BCAT1: variants seen among roughly 807,000 people sequenced by gnomAD.
The protein encoded by BCAT1 is branched-chain-amino-acid aminotransferase, cytosolic.
BCAT1 carries 48 observed loss-of-function variants against 52.4 expected under a neutral mutation model. That is an observed-to-expected ratio of 0.92 (90% CI 0.73 to 1.16). The LOEUF is 1.16. BCAT1 is among the 50% of genes most tolerant of loss of function. The pLI is 0.00. For missense variants in BCAT1, 451 were observed against 457.1 expected, an observed-to-expected ratio of 0.99 and a Z score of 0.12; for synonymous variants, 167 against 161.3, an observed-to-expected ratio of 1.04 and a Z score of -0.27.
At chr12:24,887,081 ATATATAT>A (rs1303793134) in intron 3 of BCAT1, among the ~76,000 whole-genome samples, 14 of 42,824 alleles carry the variant, frequency 3.3e-4, no homozygotes, top group South Asian at 7.8e-4. Context: ...AAAAAAAAAA[ATATATAT>A]ATATATATAT....
intron 2 of BCAT1, among the ~76,000 whole-genome samples, chr12:24,898,520 C>CCTTTTTTTTTT (rs1943012294): frequency 2.6e-5 from 1 of 38,538 alleles, no homozygotes; most frequent in South Asian, 1.6e-3. Flanking sequence ...TCAGTCAACA[C>CCTTTTTTTTTT]TTTTTTTTTT....
chr12:24,836,153 C>T (rs1940914962), intron 8 of BCAT1, among the ~76,000 whole-genome samples: 1 of 152,082 alleles, frequency 6.6e-6, no homozygotes, highest in African/African-American at 2.4e-5. Flanking sequence ...AGTATCATTG[C>T]CATTTGGAAG....
chr12:24,906,749 T>C (rs1303559344), intron 1 of BCAT1, among the ~76,000 whole-genome samples: 2 of 152,188 alleles, frequency 1.3e-5, no homozygotes, highest in Non-Finnish European at 1.5e-5. Context: ...GTTGCTCTAG[T>C]AGAAACATAG....
At position 24,892,403 on chromosome 12, in the gene BCAT1, A is replaced by G. The variant is rs569985371; in HGVS notation, c.279+1872T>C. On this transcript the variant is annotated intron_variant, in intron 3 of 10. Transcript: ENST00000261192. ...ATTTCTCATTTACTTCCCATAGGCC[A>G]GCAATTCCCAAAATGTGGTCCCTGG... Among the ~76,000 whole-genome samples the G allele has an allele frequency of 2.0e-5, 3 of 152,330 alleles. No homozygotes were observed. The East Asian group carries it at 5.8e-4, about 29-fold the overall frequency.
chr12:24,863,012 G>A (rs1941893360), intron 5 of BCAT1, among the ~76,000 whole-genome samples: 1 of 152,084 alleles, frequency 6.6e-6, no homozygotes, highest in African/African-American at 2.4e-5. Context: ...GCTGTAACAG[G>A]GCTAAGGGAT....
At chr12:24,873,293 C>T (rs1023315530) in intron 5 of BCAT1, among the ~76,000 whole-genome samples, 15 of 152,132 alleles carry the variant, frequency 9.9e-5, no homozygotes, top group African/African-American at 3.4e-4. Context: ...GTTTAGAGCC[C>T]TCCAGACTGT....
At chr12:24,819,216 A>T (rs1324562628) in intron 10 of BCAT1, among the ~76,000 whole-genome samples, 1 of 151,918 alleles carries the variant, frequency 6.6e-6, no homozygotes, top group Non-Finnish European at 1.5e-5. Context: ...ACTGACTTGG[A>T]ACAGATCTTT....
intron 1 of BCAT1, chr12:24,903,167 C>T: frequency 9.7e-6 from 12 of 1,234,814 alleles, no homozygotes; most frequent in Non-Finnish European, 1.1e-5. Context: ...CTCCAGCATC[C>T]CTTGGGGAGG....
At chr12:24,928,348 G>T (rs1211968851) in intron 1 of BCAT1, among the ~76,000 whole-genome samples, 1 of 152,138 alleles carries the variant, frequency 6.6e-6, no homozygotes, top group Non-Finnish European at 1.5e-5. Context: ...TGGCACAAAA[G>T]ACCCCATGGG....
chr12:24,943,144 C>A (rs556611988), intron 1 of BCAT1, among the ~76,000 whole-genome samples: 4 of 152,268 alleles, frequency 2.6e-5, no homozygotes, highest in African/African-American at 9.6e-5. Flanking sequence ...AGATATAAAA[C>A]TTTGTGTCTA....
chr12:24,927,065 A>G (rs1943601053), intron 1 of BCAT1, among the ~76,000 whole-genome samples: 1 of 152,228 alleles, frequency 6.6e-6, no homozygotes, highest in African/African-American at 2.4e-5. Context: ...GTTCAACTAT[A>G]AGTTATAATC....
At position 24,817,353 on chromosome 12, in the gene BCAT1, G is replaced by A. The variant is rs906603906; in HGVS notation, c.*655C>T. ...TATAAGGCACAAGACCCTCAGTCTT[G>A]TAGTCGCCTGACAGCCAGCCAGCTA... On this transcript the variant is annotated 3_prime_UTR_variant, in exon 11 of 11. Transcript: ENST00000261192. The A allele has an allele frequency of 1.0e-4, 16 of 152,904 alleles. No individual in the cohort carries two copies. Among genetic ancestry groups the A allele is most frequent in the African/African-American group, 3.6e-4 (15 of 41,454 alleles). The allele number at this position is 152,904 out of a possible 1,614,324, so 9.5% of individuals were successfully genotyped here. A position where few individuals can be genotyped will look rare whatever the true frequency, so the allele number is the denominator to read the frequency against.
Position 24,829,886 on chromosome 12 carries a change from A to T in BCAT1, c.1056T>A (p.Ile352=), listed in dbSNP as rs893576243. The T allele has an allele frequency of 1.9e-6, 3 of 1,609,696 alleles. No homozygotes were observed. The Admixed American group carries it at 5.0e-5, about 27-fold the overall frequency. Residue 352 remains isoleucine (I), a synonymous_variant, in exon 10 of 11, where the codon ATT becomes ATA. Coordinates refer to ENST00000261192, the MANE Select transcript of BCAT1 (RefSeq NM_005504.7). ...DILYKGETIH[I]PTMENGPKLA... ...GCTTAGGACCATTCTCCATAGTTGGAATGTGTATTGTCTACAAAAGAAAGG... is the reference window on the plus strand; with the variant it reads ...GCTTAGGACCATTCTCCATAGTTGGTATGTGTATTGTCTACAAAAGAAAGG...
upstream of BCAT1, chr12:24,949,103 G>C: frequency 1.6e-6 from 1 of 620,654 alleles, no homozygotes; most frequent in South Asian, 2.1e-5. Context: ...CTGGATTGCA[G>C]ACCGGCCCTC....
intron 6 of BCAT1, among the ~76,000 whole-genome samples, chr12:24,844,274 C>CAA (rs146665060): frequency 3.3e-5 from 5 of 151,568 alleles, no homozygotes; most frequent in Middle Eastern, 3.4e-3. Flanking sequence ...CTAAAAATAA[C>CAA]AAAAAAATTA....
intron 1 of BCAT1, among the ~76,000 whole-genome samples, chr12:24,947,166 TCCACAC>T (rs1943944056): frequency 1.1e-5 from 1 of 92,486 alleles, no homozygotes; most frequent in Non-Finnish European, 2.2e-5. Context: ...CCGTCTTCCC[TCCACAC>T]ACACACACAC....
intron 5 of BCAT1, among the ~76,000 whole-genome samples, chr12:24,854,968 G>C (rs1236008791): frequency 6.6e-6 from 1 of 152,078 alleles, no homozygotes; most frequent in Non-Finnish European, 1.5e-5. Flanking sequence ...ACCTCTTAGG[G>C]ACCTGCTGAG....
chr12:24,823,980 T>C (rs1940263883), intron 10 of BCAT1, among the ~76,000 whole-genome samples: 1 of 152,212 alleles, frequency 6.6e-6, no homozygotes, highest in Admixed American at 6.5e-5. Context: ...CAAAATTGTG[T>C]GTTTGGGCTT....
At chr12:24,824,811 TAC>T (rs1261386115) in intron 10 of BCAT1, among the ~76,000 whole-genome samples, 1 of 152,178 alleles carries the variant, frequency 6.6e-6, no homozygotes, top group African/African-American at 2.4e-5. Context: ...TAAGATAAAA[TAC>T]ACATATATAA....
Sources: allele counts gnomAD v4.1 joint callset (sites outside exome capture counted in the v4.1 genomes callset), GRCh38; gene constraint gnomAD v4.1.1; transcripts MANE v1.5; gene names NCBI Gene and HGNC (gene_info 2026-07-23, HGNC 2026-07-21).